The following MCC variants were observed in gnomAD, a reference collection of about 807,000 sequenced individuals.
MCC encodes colorectal mutant cancer protein.
A neutral mutation model predicts 116.2 loss-of-function variants in MCC; 90 were observed. The observed-to-expected ratio is 0.77, with a 90% CI of 0.65 to 0.92. The LOEUF (loss-of-function observed/expected upper bound fraction) is 0.92. Ranked by LOEUF, MCC falls within the 40% of genes least tolerant of loss-of-function variation. MCC has a pLI of 0.00. For synonymous variants in MCC, 578 were observed against 510.5 expected (o/e 1.13, Z -1.78); for missense variants, 1,516 against 1,312.2 (o/e 1.16, Z -2.40).
intron 2 of MCC, among the ~76,000 whole-genome samples, chr5:113,372,088 T>C (rs1382448270): frequency 1.3e-5 from 2 of 152,180 alleles, no homozygotes; most frequent in Non-Finnish European, 2.9e-5. Flanking sequence ...AGAAAATAGA[T>C]GAACAATTTC....
intron 3 of MCC, among the ~76,000 whole-genome samples, chr5:113,166,882 G>A (rs1011541767): frequency 1.3e-5 from 2 of 152,070 alleles, no homozygotes. Flanking sequence ...GACTCACCAG[G>A]GTATGCAGCA....
At position 113,082,872 on chromosome 5, in the gene MCC, T is replaced by A; in HGVS notation, c.1772A>T (p.Glu591Val). The A allele has an allele frequency of 6.2e-7, 1 of 1,614,126 alleles. No individual in the cohort carries two copies. The highest frequency in any genetic ancestry group is 8.5e-7 in the Non-Finnish European group (1 of 1,179,982). The change falls in exon 11 of 19, where the codon GAA becomes GTA. Residue 591 changes from glutamate (E) to valine (V), a missense_variant. Transcript: ENST00000408903. ...SKIREFEVET[E>V]RLNSRIEHLK... ...GATCTCTCCTCACCTATTCAGCCGT[T>A]CTGTTTCCACCTCAAACTCTCTAAT... is the stretch of plus-strand genomic sequence containing the variant.
At chr5:113,355,696 G>T (rs73250473) in intron 2 of MCC, among the ~76,000 whole-genome samples, 2,014 of 152,058 alleles carry the variant, frequency 0.013, 58 homozygotes, top group African/African-American at 0.046. Flanking sequence ...AGAAGAGAGG[G>T]CAAGGTCAAG....
intron 6 of MCC, among the ~76,000 whole-genome samples, chr5:113,116,843 T>A (rs1251714346): frequency 1.3e-5 from 2 of 152,200 alleles, no homozygotes; most frequent in Non-Finnish European, 2.9e-5. Flanking sequence ...AAACACACAG[T>A]CACCCCAGAG....
intron 5 of MCC, among the ~76,000 whole-genome samples, chr5:113,127,267 T>G (rs1581117262): frequency 2.0e-5 from 3 of 152,272 alleles, no homozygotes; most frequent in Admixed American, 1.3e-4. Context: ...GGCATTTAGG[T>G]TGATTCCATG....
rs151040324 is a variant in MCC, at chr5:113,291,374, G to A, written c.627+49145C>T. Among the ~76,000 whole-genome samples, 5 of 152,230 alleles carry A rather than the reference G, an allele frequency of 3.3e-5. No individual in the cohort carries two copies. In the East Asian group the frequency reaches 9.6e-4, roughly 29 times the overall value. On this transcript the variant is annotated intron_variant, in intron 3 of 18. Transcript: ENST00000408903. ...GATCAGCAGATGACAACCAGAAATTGATTAAACTCACTCTCTAGTTCAGGA... is the reference window on the plus strand; with the variant it reads ...GATCAGCAGATGACAACCAGAAATTAATTAAACTCACTCTCTAGTTCAGGA...
chr5:113,424,386 G>A (rs2150408392), intron 1 of MCC, among the ~76,000 whole-genome samples: 1 of 152,150 alleles, frequency 6.6e-6, no homozygotes, highest in East Asian at 1.9e-4. Flanking sequence ...GTTAAACAAT[G>A]ACATAATTTT....
At chr5:113,113,789 A>G (rs534407384) in intron 6 of MCC, among the ~76,000 whole-genome samples, 68 of 152,310 alleles carry the variant, frequency 4.5e-4, no homozygotes, top group African/African-American at 1.6e-3. Context: ...ACAAGAGACA[A>G]AACAGCAGGA....
At chr5:113,260,087 A>T (rs1765166135) in intron 3 of MCC, among the ~76,000 whole-genome samples, 1 of 152,094 alleles carries the variant, frequency 6.6e-6, no homozygotes, top group African/African-American at 2.4e-5. Context: ...CTCTGGAAAA[A>T]AAAAACTCCT....
intron 3 of MCC, among the ~76,000 whole-genome samples, chr5:113,237,768 A>G (rs532887885): frequency 2.0e-5 from 3 of 152,242 alleles, no homozygotes; most frequent in South Asian, 4.1e-4. Context: ...CAAGGCTCTC[A>G]TAGAACCCAG....
chr5:113,097,061 G>C (rs1477348763), intron 8 of MCC, among the ~76,000 whole-genome samples: 1 of 152,064 alleles, frequency 6.6e-6, no homozygotes, highest in Non-Finnish European at 1.5e-5. Context: ...TCCTTATCCT[G>C]AAAAGAAATT....
chr5:113,312,022 C>T (rs1581391770), intron 3 of MCC, among the ~76,000 whole-genome samples: 1 of 152,316 alleles, frequency 6.6e-6, no homozygotes, highest in African/African-American at 2.4e-5. Context: ...AGGAGAATCG[C>T]TTGAAACCGG....
chr5:113,032,540 A>G (rs556591959), intron 17 of MCC, among the ~76,000 whole-genome samples: 82 of 152,342 alleles, frequency 5.4e-4, no homozygotes, highest in African/African-American at 2.0e-3. Context: ...AAAATTTAAA[A>G]TTACATACAT....
At chr5:113,093,592 A>C (rs1272889218) in intron 8 of MCC, among the ~76,000 whole-genome samples, 1 of 152,112 alleles carries the variant, frequency 6.6e-6, no homozygotes, top group East Asian at 1.9e-4. Flanking sequence ...AGAGCTGTCA[A>C]ACACAAAGAG....
intron 16 of MCC, chr5:113,048,653 G>A (rs1752276644): frequency 4.2e-6 from 1 of 239,534 alleles, no homozygotes; most frequent in Non-Finnish European, 7.9e-6. Flanking sequence ...ATGTATAGGG[G>A]AAAACGTAGA....
At chr5:113,209,080 C>T (rs889191567) in intron 3 of MCC, among the ~76,000 whole-genome samples, 1 of 152,182 alleles carries the variant, frequency 6.6e-6, no homozygotes, top group Non-Finnish European at 1.5e-5. Flanking sequence ...TCTCTCACAA[C>T]CAGAGTCTTA....
chr5:113,411,281 T>C (rs1237801659), intron 1 of MCC, among the ~76,000 whole-genome samples: 1 of 152,218 alleles, frequency 6.6e-6, no homozygotes, highest in Non-Finnish European at 1.5e-5. Flanking sequence ...GTTTCCTGCC[T>C]TTTTAATGAT....
chr5:113,039,448 C>T (rs1358560318), intron 17 of MCC, among the ~76,000 whole-genome samples: 2 of 152,168 alleles, frequency 1.3e-5, no homozygotes, highest in Non-Finnish European at 2.9e-5. Flanking sequence ...CGCCATGGCA[C>T]CTCATTTGCC....
intron 14 of MCC, among the ~76,000 whole-genome samples, chr5:113,059,833 C>A (rs912607077): frequency 1.3e-5 from 2 of 152,150 alleles, no homozygotes; most frequent in African/African-American, 2.4e-5. Context: ...TGGTTCGGGA[C>A]GGTTCGGGCC....
Sources: allele counts gnomAD v4.1 joint callset (sites outside exome capture counted in the v4.1 genomes callset), GRCh38; gene constraint gnomAD v4.1.1; transcripts MANE v1.5; gene names NCBI Gene and HGNC (gene_info 2026-07-23, HGNC 2026-07-21).